Variants in NLRP14 observed in about 807,000 individuals in gnomAD.
The protein encoded by NLRP14 is NLR family pyrin domain containing 14.
A neutral mutation model predicts 94.7 loss-of-function variants in NLRP14; 105 were observed. That is an observed-to-expected ratio of 1.11 (90% confidence interval 0.95 to 1.30). NLRP14 has a LOEUF of 1.30. Ranked by LOEUF, NLRP14 falls within the 50% of genes most tolerant of loss-of-function variation. NLRP14 has a pLI of 0.00. For synonymous variants in NLRP14, 508 were observed against 459.9 expected (o/e 1.10, Z -1.34); for missense variants, 1,362 against 1,254.1 (o/e 1.09, Z -1.30).
chr11:7,078,462 A>AAAAAAAAAAAAAAAAAAAAAAAAAG, the NLRP14 span, among the ~76,000 whole-genome samples: 3 of 88,486 alleles, frequency 3.4e-5, 1 homozygote, highest in Admixed American at 1.9e-4. Context: ...AAAAAAAAAA[A>AAAAAAAAAAAAAAAAAAAAAAAAAG]CAAAAAAATT....
the NLRP14 span, among the ~76,000 whole-genome samples, chr11:7,076,607 C>T: frequency 6.6e-6 from 1 of 152,128 alleles, no homozygotes; most frequent in Non-Finnish European, 1.5e-5. Context: ...GTTGAAATAT[C>T]GCCTCCTCAG....
chr11:7,060,138 G>A lies in NLRP14; in HGVS notation c.2804+74G>A, dbSNP rs77872858. The A allele has an allele frequency of 4.5e-4, 578 of 1,281,542 alleles. 3 individuals carry two copies. In the African/African-American group the frequency reaches 7.9e-3, roughly 18 times the overall value. The allele number at this position is 1,281,542 out of a possible 1,614,324, so 79.4% of individuals were successfully genotyped here. On this transcript the variant is annotated intron_variant, in intron 9 of 11. Coordinates refer to ENST00000299481, the MANE Select transcript of NLRP14 (RefSeq NM_176822.4). ...CTGGGGAGATACTGAAAGAAAGGCT[G>A]AGAACCGAGCATCTATCAGAGAAAA...
chr11:7,070,170 T>C (rs2072564244), intron 10 of NLRP14, 116 bp from the exon 11 acceptor site: 1 of 734,288 alleles, frequency 1.4e-6, no homozygotes. Flanking sequence ...ATACTAACTG[T>C]GCTCATTTTT....
chr11:7,063,823 TC>T (rs1373060297), intron 10 of NLRP14, among the ~76,000 whole-genome samples: 1 of 152,066 alleles, frequency 6.6e-6, no homozygotes, highest in Non-Finnish European at 1.5e-5. Context: ...TCTGACTCAG[TC>T]AACTGAGTAA....
At chr11:7,030,344 C>A (rs1050363498) in intron 1 of NLRP14, among the ~76,000 whole-genome samples, 1 of 152,248 alleles carries the variant, frequency 6.6e-6, no homozygotes, top group Non-Finnish European at 1.5e-5. Context: ...TTTGACTCAG[C>A]TGTTCCTTAA....
chr11:7,072,828 TC>T (rs1285416395), downstream of NLRP14, among the ~76,000 whole-genome samples: 2 of 152,184 alleles, frequency 1.3e-5, no homozygotes, highest in Admixed American at 6.5e-5. Flanking sequence ...AGGAGTCCTT[TC>T]CTTCCTGGTG....
intron 1 of NLRP14, among the ~76,000 whole-genome samples, chr11:7,034,921 T>C (rs543392837): frequency 1.3e-5 from 2 of 152,304 alleles, no homozygotes; most frequent in East Asian, 3.9e-4. Flanking sequence ...CTATAATATA[T>C]TGAAATCTAA....
At chr11:7,025,041 A>G (rs1224792358) in intron 1 of NLRP14, among the ~76,000 whole-genome samples, 2 of 152,168 alleles carry the variant, frequency 1.3e-5, no homozygotes, top group Non-Finnish European at 2.9e-5. Context: ...AGAATAATAG[A>G]AAATGTCTTT....
chr11:7,023,375 T>C (rs1004563641), intron 1 of NLRP14, among the ~76,000 whole-genome samples: 1 of 146,502 alleles, frequency 6.8e-6, no homozygotes, highest in African/African-American at 2.5e-5. Context: ...AATATATATA[T>C]CATGTTTAGC....
intron 1 of NLRP14, among the ~76,000 whole-genome samples, chr11:7,029,759 T>A (rs1051441867): frequency 6.6e-6 from 1 of 152,236 alleles, no homozygotes; most frequent in Non-Finnish European, 1.5e-5. Flanking sequence ...TTTAATATAG[T>A]ATGTTGTAAC....
chr11:7,039,597 A>G, intron 2 of NLRP14, 117 bp from the exon 3 acceptor site: 1 of 858,886 alleles, frequency 1.2e-6, no homozygotes, highest in East Asian at 2.4e-5. Flanking sequence ...TAGTTTTCTT[A>G]AACCCAGATA....
At chr11:7,069,920 C>G (rs898006762) in intron 10 of NLRP14, among the ~76,000 whole-genome samples, 4 of 152,196 alleles carry the variant, frequency 2.6e-5, no homozygotes, top group Non-Finnish European at 5.9e-5. Flanking sequence ...AGCCACCATG[C>G]CTGGCCTATT....
At position 7,043,963 on chromosome 11, in the gene NLRP14, C is replaced by T; in HGVS notation, c.1937C>T (p.Thr646Ile). ...GTATTTGAGAAGAAGATATTAAAAA[C>T]AAGCCTCCCAACTAACACTTGGTAA... ...TVVFEKKILKTSLPTNTWDGD... is the reference protein window; with the variant it reads ...TVVFEKKILKISLPTNTWDGD... Residue 646 changes from threonine to isoleucine, a missense_variant, in exon 4 of 12, where the codon ACA (threonine) becomes ATA (isoleucine). By Grantham distance (89) the Thr-to-Ile change is moderately conservative. Transcript: ENST00000299481. 1 of 1,614,150 alleles carries T rather than the reference C, an allele frequency of 6.2e-7. No individual in the cohort carries two copies. The highest frequency in any genetic ancestry group is 1.1e-5 in the South Asian group (1 of 91,078).
chr11:7,058,800 C>G (rs1315809398), intron 8 of NLRP14, among the ~76,000 whole-genome samples: 1 of 151,942 alleles, frequency 6.6e-6, no homozygotes, highest in Non-Finnish European at 1.5e-5. Flanking sequence ...ACCACCTATC[C>G]TAGTCTATGA....
intron 5 of NLRP14, 146 bp from the exon 6 acceptor site, chr11:7,049,525 T>A: frequency 1.5e-6 from 1 of 666,388 alleles, no homozygotes; most frequent in Non-Finnish European, 2.6e-6. Context: ...TAAATAGAAA[T>A]TGAAGTTATA....
intron 7 of NLRP14, 131 bp downstream of exon 7, chr11:7,057,978 C>T (rs760690488): frequency 2.8e-4 from 216 of 777,332 alleles, no homozygotes; most frequent in Non-Finnish European, 4.2e-4. Context: ...ATAAGCTCTA[C>T]ATGCATCCCC....
chr11:7,026,264 AG>A (rs1468435511), intron 1 of NLRP14, among the ~76,000 whole-genome samples: 9 of 152,222 alleles, frequency 5.9e-5, no homozygotes, highest in Non-Finnish European at 1.3e-4. Flanking sequence ...CATCTGACAA[AG>A]GGCTAATATC....
At chr11:7,050,194 G>A (rs1852421673) in intron 6 of NLRP14, among the ~76,000 whole-genome samples, 1 of 152,172 alleles carries the variant, frequency 6.6e-6, no homozygotes, top group Non-Finnish European at 1.5e-5. Flanking sequence ...TAATACAGTG[G>A]GGGATGTTCT....
intron 6 of NLRP14, among the ~76,000 whole-genome samples, chr11:7,050,464 C>CT (rs67413836): frequency 0.56 from 85,303 of 151,480 alleles, 25,190 homozygotes; most frequent in East Asian, 0.86. Context: ...TAAGAAAGAT[C>CT]TTATTTTTCA....
Sources: allele counts gnomAD v4.1 joint callset (sites outside exome capture counted in the v4.1 genomes callset), GRCh38; gene constraint gnomAD v4.1.1; transcripts MANE v1.5; gene names NCBI Gene and HGNC (gene_info 2026-07-23, HGNC 2026-07-21).